The following PPP2R5B variants were observed in gnomAD, a reference collection of about 807,000 sequenced individuals.
PPP2R5B encodes protein phosphatase 2 regulatory subunit B'beta, also known as serine/threonine-protein phosphatase 2A 56 kDa regulatory subunit beta isoform.
PPP2R5B carries 19 observed loss-of-function variants against 59.9 expected under a neutral mutation model. The ratio of observed to expected loss-of-function variants is 0.32; its 90% CI spans 0.22 to 0.47. The LOEUF (loss-of-function observed/expected upper bound fraction) is 0.47. Among genes scored for constraint, PPP2R5B ranks in the 20% least tolerant of loss-of-function variants. PPP2R5B has a pLI of 1.00. For synonymous variants in PPP2R5B, 286 were observed against 260.5 expected, an observed-to-expected ratio of 1.10 and a Z score of -0.94; for missense variants, 441 against 640.2, an observed-to-expected ratio of 0.69 and a Z score of 3.36.
At position 64,930,338 on chromosome 11, in the gene PPP2R5B, G is replaced by C; in HGVS notation, c.739G>C (p.Glu247Gln). The C allele has an allele frequency of 6.2e-7, 1 of 1,613,990 alleles. No individual in the cohort carries two copies. Among genetic ancestry groups the C allele is most frequent in the Non-Finnish European group, 8.5e-7 (1 of 1,179,940 alleles). Residue 247 changes from glutamate to glutamine, a missense_variant, in exon 7 of 14, where the codon GAG (glutamate) becomes CAG (glutamine). By Grantham distance (29) the Glu-to-Gln change is conservative. Around this residue, in one of 3 missense-constraint regions of PPP2R5B, gnomAD observed 268 missense variants for 488.1 expected, o/e 0.55. Coordinates refer to ENST00000164133, the MANE Select transcript of PPP2R5B (RefSeq NM_006244.4). ...CTCTTGCAGGTTCATCTATGAATTC[G>C]AGCACTTCAATGGTGTGGCTGAGCT... ...HIFLRFIYEF[E>Q]HFNGVAELLE...
At chr11:64,927,029 GT>G (rs1945173238) in intron 3 of PPP2R5B, 121 bp downstream of exon 3, 1 of 1,236,492 alleles carries the variant, frequency 8.1e-7, no homozygotes. Flanking sequence ...CTCAGTCCAC[GT>G]CTTCCTTCCC....
chr11:64,927,700 C>G (rs1014074254), intron 3 of PPP2R5B, 102 bp from the exon 4 acceptor site: 4 of 939,524 alleles, frequency 4.3e-6, no homozygotes, highest in Non-Finnish European at 1.6e-6. Flanking sequence ...GAGCGAGACC[C>G]TGTCTTGGGA....
Position 64,932,621 on chromosome 11 carries a change from C to T in PPP2R5B, c.1117-144C>T. 3 of 1,004,698 alleles carry T rather than the reference C, an allele frequency of 3.0e-6. No individual in the cohort carries two copies. The Admixed American group carries it at 7.4e-5, about 25-fold the overall frequency. The allele number at this position is 1,004,698 out of a possible 1,614,324, so 62.2% of individuals were successfully genotyped here. ...AACTCTTTTCCCTTCAACACTGTTG[C>T]TTCCTCCAGGGCTCAGATAAGCCCT... On this transcript the variant is annotated intron_variant, in intron 11 of 13. Transcript: ENST00000164133.
At chr11:64,929,736 T>A (rs1945208081) in intron 6 of PPP2R5B, among the ~76,000 whole-genome samples, 1 of 152,012 alleles carries the variant, frequency 6.6e-6, no homozygotes, top group African/African-American at 2.4e-5. Context: ...AAAGATAAGA[T>A]AAAAATGGGG....
At chr11:64,927,625 C>A (rs1264636969) in intron 3 of PPP2R5B, 177 bp from the exon 4 acceptor site, 2 of 593,162 alleles carry the variant, frequency 3.4e-6, no homozygotes, top group African/African-American at 1.9e-5. Flanking sequence ...ATCGCTTGAG[C>A]CTGCCTGGGA....
Position 64,925,762 on chromosome 11 carries a change from A to G in PPP2R5B, c.28A>G (p.Thr10Ala). METKLPPAS[T>A]PTSPSSPGLS... ...GGAGACGAAGCTGCCCCCTGCAAGCACCCCCACTAGCCCCTCCTCCCCCGG... is the reference window on the plus strand; with the variant it reads ...GGAGACGAAGCTGCCCCCTGCAAGCGCCCCCACTAGCCCCTCCTCCCCCGG... Residue 10 changes from threonine (T) to alanine (A), a missense_variant, in exon 2 of 14, where the codon ACC becomes GCC. By Grantham distance (58) the Thr-to-Ala change is moderately conservative (BLOSUM62 0). Transcript: ENST00000164133. The surrounding 1 kb of genome is among the most constrained non-coding windows in gnomAD (Gnocchi z 4.6). 6.4e-7 allele frequency: 1 copy of G among 1,568,032 alleles called. No homozygotes were observed. The highest frequency in any genetic ancestry group is 8.7e-7 in the Non-Finnish European group (1 of 1,149,986).
In PPP2R5B at chr11:64,925,917, G is replaced by T; in HGVS notation, c.183G>T (p.Pro61=). ...AGAGCAACCAGCAAGAGCTCACACC[G>T]CTGCCCCTGCTCAAAGGTGAGCTGG... ...RYQSNQQELT[P]LPLLKDVPAS... The change falls in exon 2 of 14, where the codon CCG becomes CCT. Residue 61 remains proline, a synonymous_variant. Coordinates refer to ENST00000164133, the MANE Select transcript of PPP2R5B (RefSeq NM_006244.4). This position sits in a 1 kb window ranked among gnomAD's most constrained non-coding sequence, Gnocchi z 4.6. 1 of 1,611,528 alleles carries T rather than the reference G, an allele frequency of 6.2e-7. No homozygotes were observed.
chr11:64,926,923 C>G lies in PPP2R5B; in HGVS notation c.396+15C>G. 1 of 1,611,134 alleles carries G rather than the reference C, an allele frequency of 6.2e-7. No individual in the cohort carries two copies. Among genetic ancestry groups the G allele is most frequent in the South Asian group, 1.1e-5 (1 of 90,954 alleles). On this transcript the variant is annotated intron_variant, in intron 3 of 13. Transcript: ENST00000164133. Reference sequence around the variant, plus strand: ...TCATCCGCATGGTGAGCACCTGCCACCCAGGCTCCGAGGGCCGGCCGAGAG... The same window carrying G: ...TCATCCGCATGGTGAGCACCTGCCAGCCAGGCTCCGAGGGCCGGCCGAGAG...
At position 64,931,417 on chromosome 11, in the gene PPP2R5B, C is replaced by T; in HGVS notation, c.892-19C>T. 1.9e-6 allele frequency: 3 copies of T among 1,613,838 alleles called. No individual in the cohort carries two copies. Among genetic ancestry groups the T allele is most frequent in the Non-Finnish European group, 2.5e-6 (3 of 1,179,822 alleles). Reference sequence around the variant, plus strand: ...CTTCCTGACCTGTCTTCCTTCCCTCCACCTGTCACCCCCTGCAGCTGGCAT... The same window carrying T: ...CTTCCTGACCTGTCTTCCTTCCCTCTACCTGTCACCCCCTGCAGCTGGCAT... On this transcript the variant is annotated intron_variant, in intron 8 of 13. Coordinates refer to ENST00000164133, the MANE Select transcript of PPP2R5B (RefSeq NM_006244.4). This position sits in a 1 kb window ranked among gnomAD's most constrained non-coding sequence, Gnocchi z 5.0.
rs1945258132 is a variant in PPP2R5B, at chr11:64,933,944, T to G, written c.*100T>G. 8 of 1,352,576 alleles carry G rather than the reference T, an allele frequency of 5.9e-6. No homozygotes were observed. The South Asian group carries it at 1.6e-4, about 26-fold the overall frequency. 83.8% of individuals were successfully genotyped at this position (1,352,576 alleles called of 1,614,324 possible). A position where few individuals can be genotyped will look rare whatever the true frequency, so the allele number is the denominator to read the frequency against. On this transcript the variant is annotated 3_prime_UTR_variant, in exon 14 of 14. Transcript: ENST00000164133. Reference sequence around the variant, plus strand: ...GAGAGAAACACACCTACCCCTGGCCTTGCCAGAGTGGCTTCTGAGGACTCC... The same window carrying G: ...GAGAGAAACACACCTACCCCTGGCCGTGCCAGAGTGGCTTCTGAGGACTCC...
intron 1 of PPP2R5B, among the ~76,000 whole-genome samples, chr11:64,918,962 G>A (rs907378048): frequency 6.6e-6 from 1 of 152,174 alleles, no homozygotes; most frequent in Non-Finnish European, 1.5e-5. Flanking sequence ...ATGTAACTGG[G>A]GTTGGGTTAG....
Position 64,918,168 on chromosome 11 carries a change from A to G in PPP2R5B, c.-265+528A>G, listed in dbSNP as rs540693435. 2 of 152,240 alleles carry G rather than the reference A, an allele frequency of 1.3e-5. 1 individual carries two copies. Among genetic ancestry groups the G allele is most frequent in the African/African-American group, 4.8e-5 (2 of 41,466 alleles). The allele number at this position is 152,240 out of a possible 1,614,324, so 9.4% of individuals were successfully genotyped here. Reference sequence around the variant, plus strand: ...GTCACACAGTCTTGCTCATTTGCTTAAGTTCTGCCCCGGGCTGCTTTCTTG... The same window carrying G: ...GTCACACAGTCTTGCTCATTTGCTTGAGTTCTGCCCCGGGCTGCTTTCTTG... On this transcript the variant is annotated intron_variant, in intron 1 of 4. Transcript: ENST00000526559.
intron 6 of PPP2R5B, among the ~76,000 whole-genome samples, chr11:64,928,976 A>AG: frequency 6.6e-6 from 1 of 151,964 alleles, no homozygotes; most frequent in Admixed American, 6.6e-5. Flanking sequence ...AAAAAAAAAA[A>AG]GAAAAGAAAA....
At position 64,925,614 on chromosome 11, in the gene PPP2R5B, G is replaced by GC. The variant is rs56053333; in HGVS notation, c.-111dup. Reference sequence around the variant, plus strand: ...GGGGGGGGCCCAGGACTGTGGTTGTGCCCCCCCCCCAAAGGCCGGACAGGA... The same window carrying GC: ...GGGGGGGGCCCAGGACTGTGGTTGTGCCCCCCCCCCCAAAGGCCGGACAGGA... On this transcript the variant is annotated 5_prime_UTR_variant, in exon 2 of 14. Transcript: ENST00000164133. The surrounding 1 kb of genome is among the most constrained non-coding windows in gnomAD (Gnocchi z 4.6). The GC allele has an allele frequency of 0.038, 16,828 of 445,614 alleles. 734 individuals carry two copies. Among genetic ancestry groups the GC allele is most frequent in the South Asian group, 0.1 (4,171 of 41,202 alleles). 27.6% of individuals were successfully genotyped at this position (445,614 alleles called of 1,614,324 possible).
intron 3 of PPP2R5B, 25 bp downstream of exon 3, chr11:64,926,933 G>A (rs748826475): frequency 3.0e-5 from 49 of 1,607,280 alleles, no homozygotes; most frequent in African/African-American, 8.0e-5. Flanking sequence ...CCCAGGCTCC[G>A]AGGGCCGGCC....
At position 64,925,785 on chromosome 11, in the gene PPP2R5B, CGGGCTGTCGCCTGTG is replaced by C; in HGVS notation, c.52_66del (p.Gly18_Val22del). ...GCACCCCCACTAGCCCCTCCTCCCC[CGGGCTGTCGCCTGTG>C]CCCCCACCCGACAAGGTGGACGGCT... On this transcript the variant is annotated inframe_deletion, in exon 2 of 14. Transcript: ENST00000164133. This position sits in a 1 kb window ranked among gnomAD's most constrained non-coding sequence, Gnocchi z 4.6. The C allele has an allele frequency of 1.9e-6, 3 of 1,588,598 alleles. No individual in the cohort carries two copies. Among genetic ancestry groups the C allele is most frequent in the East Asian group, 4.5e-5 (2 of 44,250 alleles).
chr11:64,928,772 T>C (rs1945197462), intron 6 of PPP2R5B, among the ~76,000 whole-genome samples: 1 of 152,156 alleles, frequency 6.6e-6, no homozygotes, highest in South Asian at 2.1e-4. Context: ...TAGTCCCAGC[T>C]ACTCGGGAGG....
In PPP2R5B at chr11:64,928,163, A is replaced by G; in HGVS notation, c.591+5A>G. 1 of 1,614,112 alleles carries G rather than the reference A, an allele frequency of 6.2e-7. No individual in the cohort carries two copies. The highest frequency in any genetic ancestry group is 1.1e-5 in the South Asian group (1 of 91,082). ...GATCAAAAGTTTGTCCTGATGGTGA[A>G]GTGGGGAGCCCAGGCTGGGTGGTAC... On this transcript the variant is annotated splice_donor_5th_base_variant and intron_variant, in intron 5 of 13. Coordinates refer to ENST00000164133, the MANE Select transcript of PPP2R5B (RefSeq NM_006244.4).
At chr11:64,928,496 G>T (rs1045641515) in intron 6 of PPP2R5B, 71 bp downstream of exon 6, 1 of 1,601,866 alleles carries the variant, frequency 6.2e-7, no homozygotes, top group African/African-American at 1.3e-5. Flanking sequence ...TGCGGCAAAG[G>T]CCATGTGCGG....
Sources: allele counts gnomAD v4.1 joint callset (sites outside exome capture counted in the v4.1 genomes callset), GRCh38; gene constraint gnomAD v4.1.1; regional missense constraint gnomAD v4.1.1; non-coding constraint Gnocchi (gnomAD v3.1); transcripts MANE v1.5; gene names NCBI Gene and HGNC (gene_info 2026-07-23, HGNC 2026-07-21).